PTPN21: variants seen among roughly 807,000 people sequenced by gnomAD.
PTPN21 encodes tyrosine-protein phosphatase non-receptor type 21.
Under a neutral mutation model 131.8 loss-of-function variants are expected in PTPN21, and 77 were observed. The ratio of observed to expected loss-of-function variants is 0.58; its 90% CI spans 0.49 to 0.71. The LOEUF is 0.71. Among genes scored for constraint, PTPN21 ranks in the 30% least tolerant of loss-of-function variants. PTPN21 has a pLI of 0.00. For synonymous variants in PTPN21, 715 were observed against 621.3 expected (o/e 1.15, Z -2.24); for missense variants, 1,552 against 1,527.1 (o/e 1.02, Z -0.27).
rs114968733 is a variant in PTPN21, at chr14:88,535,410, C to A, written c.180+14828G>T. ...CACTAGCATGGTGTGGTACAAAGAG[C>A]ACTAGATTTGCAGGCAAAAGGCTCG... On this transcript the variant is annotated intron_variant, in intron 2 of 18. Transcript: ENST00000556564. 4.6e-3 allele frequency among the ~76,000 whole-genome samples: 697 copies of A among 152,274 alleles called. 7 individuals are homozygous for A. The highest frequency in any genetic ancestry group is 0.015 in the African/African-American group (642 of 41,540).
intron 2 of PTPN21, among the ~76,000 whole-genome samples, chr14:88,539,372 C>T (rs2078673292): frequency 6.6e-6 from 1 of 152,040 alleles, no homozygotes; most frequent in African/African-American, 2.4e-5. Flanking sequence ...GCCTCAGCCT[C>T]CTGACTAGCT....
intron 3 of PTPN21, chr14:88,515,561 C>T (rs557438166): frequency 6.6e-6 from 1 of 152,268 alleles, no homozygotes; most frequent in East Asian, 1.9e-4. Context: ...CCTGAAACTT[C>T]CTGAAGACAT....
At chr14:88,475,288 TGA>T (rs1210494715) in intron 13 of PTPN21, among the ~76,000 whole-genome samples, 1 of 152,088 alleles carries the variant, frequency 6.6e-6, no homozygotes, top group Non-Finnish European at 1.5e-5. Context: ...GGCAACTTGG[TGA>T]GAGAGGAAAA....
intron 12 of PTPN21, 21 bp from the exon 13 acceptor site, chr14:88,480,373 A>AT (rs748131390): frequency 1.3e-6 from 2 of 1,565,120 alleles, no homozygotes; most frequent in South Asian, 2.3e-5. Context: ...TGAGTTCAAA[A>AT]TGAGATTTTT....
chr14:88,511,977 T>G (rs1429226000), intron 3 of PTPN21, among the ~76,000 whole-genome samples: 1 of 152,204 alleles, frequency 6.6e-6, no homozygotes, highest in Non-Finnish European at 1.5e-5. Context: ...CTTCATCTGT[T>G]TTTCTTAGAC....
chr14:88,550,973 G>A (rs910528479), intron 1 of PTPN21, among the ~76,000 whole-genome samples: 10 of 152,124 alleles, frequency 6.6e-5, no homozygotes, highest in Non-Finnish European at 1.5e-4. Context: ...CTTTCAGGTT[G>A]TAATACTCCA....
chr14:88,512,124 G>GC (rs2078195684), intron 3 of PTPN21, among the ~76,000 whole-genome samples: 1 of 152,092 alleles, frequency 6.6e-6, no homozygotes, highest in Admixed American at 6.5e-5. Flanking sequence ...TCAACCTTAT[G>GC]CCTACCACGT....
chr14:88,521,737 A>G (rs1253612323), intron 2 of PTPN21, among the ~76,000 whole-genome samples: 33 of 152,084 alleles, frequency 2.2e-4, no homozygotes, highest in Admixed American at 2.2e-3. Flanking sequence ...AACCAAAATG[A>G]AAAGGTCTTA....
chr14:88,486,089 G>T (rs1053527452), intron 10 of PTPN21, among the ~76,000 whole-genome samples: 3 of 152,112 alleles, frequency 2.0e-5, no homozygotes, highest in Non-Finnish European at 4.4e-5. Flanking sequence ...TCATCGCCTG[G>T]ACCCACAAGG....
At chr14:88,471,147 A>G (rs990625861) in intron 15 of PTPN21, among the ~76,000 whole-genome samples, 2 of 152,210 alleles carry the variant, frequency 1.3e-5, no homozygotes, top group Non-Finnish European at 2.9e-5. Context: ...AAAAGCCATC[A>G]AGGGGTACTG....
chr14:88,510,604 G>A (rs191301625), intron 3 of PTPN21, among the ~76,000 whole-genome samples: 1 of 152,224 alleles, frequency 6.6e-6, no homozygotes, highest in East Asian at 1.9e-4. Context: ...AAACACAATG[G>A]TCGAGAGCAA....
At chr14:88,493,778 T>C (rs1445554286) in intron 10 of PTPN21, among the ~76,000 whole-genome samples, 2 of 152,232 alleles carry the variant, frequency 1.3e-5, no homozygotes, top group Admixed American at 6.5e-5. Flanking sequence ...TAGATGTCAC[T>C]TGGCTGGGTA....
intron 2 of PTPN21, among the ~76,000 whole-genome samples, chr14:88,518,939 C>G (rs2139317420): frequency 6.6e-6 from 1 of 151,874 alleles, no homozygotes; most frequent in African/African-American, 2.4e-5. Context: ...ACATTTAAAA[C>G]AATTATAATG....
In PTPN21 at chr14:88,479,967, C is replaced by T; in HGVS notation, c.1464G>A (p.Ala488=). 1 of 1,608,884 alleles carries T rather than the reference C, an allele frequency of 6.2e-7. No homozygotes were observed. The highest frequency in any genetic ancestry group is 8.5e-7 in the Non-Finnish European group (1 of 1,179,956). The change falls in exon 13 of 19, where the codon GCG becomes GCA. Residue 488 remains alanine, a synonymous_variant. Transcript: ENST00000556564. ...GGATCTCGGGCTGGCTGTAGACCAG[C>T]GCCGCGGGCCTGCTGTAGGCGTACG... The part of the protein sequence containing the change: ...GSSYAYSRPA[A]LVYSQPEIRE...
chr14:88,475,239 A>AT (rs1382456248), intron 13 of PTPN21, among the ~76,000 whole-genome samples: 1 of 152,244 alleles, frequency 6.6e-6, no homozygotes, highest in African/African-American at 2.4e-5. Context: ...GTAACAGGCC[A>AT]TGAAGCCCCA....
At chr14:88,523,641 A>T (rs560979176) in intron 2 of PTPN21, among the ~76,000 whole-genome samples, 1 of 152,166 alleles carries the variant, frequency 6.6e-6, no homozygotes, top group South Asian at 2.1e-4. Context: ...AAGTGGAAAG[A>T]AGTAGTAAAA....
At chr14:88,526,547 CAAAAAAAAAAAAAAAAA>C (rs10587204) in intron 2 of PTPN21, among the ~76,000 whole-genome samples, 1 of 56,912 alleles carries the variant, frequency 1.8e-5, no homozygotes, top group African/African-American at 8.2e-5. Flanking sequence ...GAGATGATCT[CAAAAAAAAAAAAAAAAA>C]AAAAAAAAAA....
chr14:88,510,876 T>C (rs1358581395), intron 3 of PTPN21, among the ~76,000 whole-genome samples: 2 of 151,932 alleles, frequency 1.3e-5, no homozygotes, highest in Non-Finnish European at 2.9e-5. Flanking sequence ...CAACTAAGGA[T>C]GGATGAATGG....
In PTPN21 at chr14:88,479,010, G is replaced by A. The variant is rs775261279; in HGVS notation, c.2421C>T (p.Tyr807=). The change falls in exon 13 of 19, where the codon TAC becomes TAT. Residue 807 remains tyrosine (Y), a synonymous_variant. Coordinates refer to ENST00000556564, the MANE Select transcript of PTPN21 (RefSeq NM_007039.4). The part of the protein sequence containing the change: ...SESDLTTSGR[Y]RARRDSLKKR... ...TCTTCAGAGAGTCCCTCCGGGCTCG[G>A]TAGCGGCCTGACGTGGTGAGGTCGG... is the stretch of plus-strand genomic sequence containing the variant. 4 of 1,603,524 alleles carry A rather than the reference G, an allele frequency of 2.5e-6. No homozygotes were observed. In the Admixed American group the frequency reaches 5.1e-5, roughly 20 times the overall value.
Sources: gnomAD v4.1 joint callset for allele counts (sites outside exome capture counted in the v4.1 genomes callset) on GRCh38, gnomAD v4.1.1 for gene constraint, MANE v1.5 for transcripts, NCBI Gene and HGNC (gene_info 2026-07-23, HGNC 2026-07-21) for gene names.